Variants in NBAS observed in about 807,000 individuals in gnomAD.
NBAS encodes NBAS subunit of NRZ tethering complex, also known as NAG/BC035112 fusion.
NBAS carries 219 observed loss-of-function variants against 302.5 expected under a neutral mutation model. That is an observed-to-expected ratio of 0.72 (90% CI 0.65 to 0.81). The LOEUF (loss-of-function observed/expected upper bound fraction) is 0.81. Among genes scored for constraint, NBAS ranks in the 30% least tolerant of loss-of-function variants. The pLI is 0.00. For missense variants in NBAS, 2,932 were observed against 2,841.6 expected (o/e 1.03, Z -0.72); for synonymous variants, 1,118 against 1,021.6 (o/e 1.09, Z -1.80).
At chr2:14,997,175 GAGGAGCAGAAA>G in the NBAS span, among the ~76,000 whole-genome samples, 15 of 152,164 alleles carry the variant, frequency 9.9e-5, no homozygotes, top group South Asian at 1.4e-3. Flanking sequence ...AGGAGCAGGA[GAGGAGCAGAAA>G]AGGAGCAGAA....
intron 38 of NBAS, among the ~76,000 whole-genome samples, chr2:15,311,522 CAG>C (rs1249507805): frequency 1.3e-5 from 2 of 152,168 alleles, no homozygotes; most frequent in Non-Finnish European, 2.9e-5. Flanking sequence ...CACAGTGCAA[CAG>C]AGACAATTAT....
At chr2:15,367,007 G>T (rs150651950) in intron 31 of NBAS, among the ~76,000 whole-genome samples, 1 of 152,020 alleles carries the variant, frequency 6.6e-6, no homozygotes, top group Non-Finnish European at 1.5e-5. Context: ...AAATTTAAAC[G>T]AGACAGTATT....
chr2:15,409,232 G>A (rs1327611254), intron 25 of NBAS, among the ~76,000 whole-genome samples: 5 of 152,096 alleles, frequency 3.3e-5, no homozygotes, highest in East Asian at 1.9e-4. Context: ...CTCTGTGCCC[G>A]TGGTATCCTT....
the NBAS span, among the ~76,000 whole-genome samples, chr2:15,021,928 C>A: frequency 1.3e-5 from 2 of 152,134 alleles, no homozygotes; most frequent in African/African-American, 2.4e-5. Context: ...GGTTCCCCAG[C>A]AAATAGACTC....
chr2:15,071,517 G>A, the NBAS span, among the ~76,000 whole-genome samples: 1 of 151,782 alleles, frequency 6.6e-6, no homozygotes, highest in Non-Finnish European at 1.5e-5. Flanking sequence ...CCAGCTACTC[G>A]GGGGACTGAG....
At chr2:15,336,459 T>G (rs62119503) in intron 35 of NBAS, among the ~76,000 whole-genome samples, 6,753 of 152,132 alleles carry the variant, frequency 0.044, 197 homozygotes, top group Middle Eastern at 0.095. Flanking sequence ...TGTGGTCAGG[T>G]GCGGTGGCTC....
intron 38 of NBAS, among the ~76,000 whole-genome samples, chr2:15,324,606 T>C (rs937681154): frequency 1.8e-4 from 28 of 152,164 alleles, no homozygotes; most frequent in Admixed American, 1.4e-3. Context: ...TTGCCTATCA[T>C]AGCGCCTGTC....
At chr2:15,088,309 T>C in the NBAS span, among the ~76,000 whole-genome samples, 1 of 152,210 alleles carries the variant, frequency 6.6e-6, no homozygotes, top group Admixed American at 6.5e-5. Flanking sequence ...GAGTATGTCA[T>C]AGGAGCTGTG....
chr2:15,352,657 C>T (rs192813689), intron 34 of NBAS, among the ~76,000 whole-genome samples: 5 of 152,122 alleles, frequency 3.3e-5, no homozygotes, highest in South Asian at 4.2e-4. Flanking sequence ...GGGGAGCGTG[C>T]GCAGTGTGTT....
intron 12 of NBAS, among the ~76,000 whole-genome samples, chr2:15,486,973 T>A (rs1036121166): frequency 6.6e-6 from 1 of 151,872 alleles, no homozygotes; most frequent in East Asian, 1.9e-4. Context: ...TACTAATCAA[T>A]TTTGCTCAGA....
the NBAS span, among the ~76,000 whole-genome samples, chr2:15,015,819 AT>A: frequency 2.0e-5 from 3 of 152,156 alleles, no homozygotes; most frequent in Non-Finnish European, 4.4e-5. Flanking sequence ...AAGAAAGAGC[AT>A]CCAAATTGGA....
At chr2:15,117,658 C>T in the NBAS span, among the ~76,000 whole-genome samples, 1,001 of 152,296 alleles carry the variant, frequency 6.6e-3, 11 homozygotes, top group African/African-American at 0.023. Context: ...CTAAGAAAAG[C>T]CTGAGAATAT....
At chr2:15,221,413 T>C (rs1218517156) in intron 47 of NBAS, among the ~76,000 whole-genome samples, 1 of 152,222 alleles carries the variant, frequency 6.6e-6, no homozygotes, top group African/African-American at 2.4e-5. Context: ...TAACCACCAT[T>C]GTCATAATAA....
the NBAS span, among the ~76,000 whole-genome samples, chr2:14,950,454 T>C: frequency 6.6e-6 from 1 of 152,234 alleles, no homozygotes; most frequent in Non-Finnish European, 1.5e-5. Flanking sequence ...TTTAAGGTGA[T>C]GGATATCTCA....
Position 15,461,340 on chromosome 2 carries a change from G to C in NBAS, c.2203-3C>G, listed in dbSNP as rs1191765694. The C allele has an allele frequency of 2.5e-6, 4 of 1,610,950 alleles. No homozygotes were observed. The highest frequency in any genetic ancestry group is 3.3e-5 in the Admixed American group (2 of 59,978). ...TCCAGGGCTTGTACATTACTTTCCT[G>C]TACAAAAGGCAAGGGGTAAGTTTCT... On this transcript the variant is annotated splice_polypyrimidine_tract_variant and splice_region_variant and intron_variant, in intron 20 of 51. Transcript: ENST00000281513.
At chr2:15,042,905 C>T in the NBAS span, among the ~76,000 whole-genome samples, 3,113 of 152,300 alleles carry the variant, frequency 0.02, 131 homozygotes, top group East Asian at 0.1. Context: ...GATGCAATGA[C>T]TTTGCATGGT....
chr2:15,356,299 T>A lies in NBAS; in HGVS notation c.3931+4A>T. 6.2e-7 allele frequency: 1 copy of A among 1,609,038 alleles called. No individual in the cohort carries two copies. Among genetic ancestry groups the A allele is most frequent in the South Asian group, 1.1e-5 (1 of 91,006 alleles). ...GCAAAGTGTTAAATAAGCTGTCTACTCACCTGTGGCCATCAGCTCCTGACA... is the reference window on the plus strand; with the variant it reads ...GCAAAGTGTTAAATAAGCTGTCTACACACCTGTGGCCATCAGCTCCTGACA... On this transcript the variant is annotated splice_donor_region_variant and intron_variant, in intron 33 of 51. Transcript: ENST00000281513.
chr2:14,839,158 T>C, the NBAS span, among the ~76,000 whole-genome samples: 1 of 151,422 alleles, frequency 6.6e-6, no homozygotes, highest in Non-Finnish European at 1.5e-5. Flanking sequence ...AAATCTAATA[T>C]GAGGATGATA....
chr2:15,033,699 A>C, the NBAS span, among the ~76,000 whole-genome samples: 2 of 152,066 alleles, frequency 1.3e-5, no homozygotes, highest in African/African-American at 4.8e-5. Flanking sequence ...AGTAGCTCAC[A>C]CCTATAATCT....
Sources: gnomAD v4.1 joint callset for allele counts (sites outside exome capture counted in the v4.1 genomes callset) on GRCh38, gnomAD v4.1.1 for gene constraint, MANE v1.5 for transcripts, NCBI Gene and HGNC (gene_info 2026-07-23, HGNC 2026-07-21) for gene names.